CNTNAP2: variants seen among roughly 807,000 people sequenced by gnomAD.
The protein encoded by CNTNAP2 is contactin-associated protein-like 2.
A neutral mutation model predicts 155.2 loss-of-function variants in CNTNAP2; 98 were observed. The observed-to-expected ratio is 0.63, with a 90% CI of 0.54 to 0.75. The LOEUF is 0.75. Among genes scored for constraint, CNTNAP2 ranks in the 30% least tolerant of loss-of-function variants. The pLI, the probability that CNTNAP2 is intolerant of heterozygous loss-of-function variation, is 0.00. For missense variants in CNTNAP2, 1,727 were observed against 1,688.1 expected, an observed-to-expected ratio of 1.02 and a Z score of -0.40; for synonymous variants, 651 against 631.2, an observed-to-expected ratio of 1.03 and a Z score of -0.47.
At chr7:147,905,432 C>T (rs1446628172) in intron 14 of CNTNAP2, among the ~76,000 whole-genome samples, 2 of 152,214 alleles carry the variant, frequency 1.3e-5, no homozygotes, top group African/African-American at 4.8e-5. Flanking sequence ...TTTTATCAGA[C>T]ATCATGCTAA....
chr7:146,978,752 T>C (rs1312529262), intron 3 of CNTNAP2, among the ~76,000 whole-genome samples: 1 of 151,668 alleles, frequency 6.6e-6, no homozygotes, highest in Non-Finnish European at 1.5e-5. Flanking sequence ...TTACTAAATA[T>C]ATATTTATTA....
At chr7:146,817,092 A>G (rs1422925750) in intron 2 of CNTNAP2, among the ~76,000 whole-genome samples, 1 of 152,202 alleles carries the variant, frequency 6.6e-6, no homozygotes, top group East Asian at 1.9e-4. Flanking sequence ...AGTGTCTCTG[A>G]TCCCCAGATA....
chr7:146,371,161 G>T (rs906118938), intron 1 of CNTNAP2, among the ~76,000 whole-genome samples: 4 of 151,568 alleles, frequency 2.6e-5, no homozygotes, highest in Non-Finnish European at 5.9e-5. Flanking sequence ...TTTCTGGTGT[G>T]CATCTGCTAT....
intron 2 of CNTNAP2, among the ~76,000 whole-genome samples, chr7:146,801,639 G>T (rs1328842372): frequency 2.0e-5 from 3 of 152,216 alleles, no homozygotes; most frequent in African/African-American, 7.2e-5. Flanking sequence ...CTTTGTGAAT[G>T]CCATAATAAA....
intron 3 of CNTNAP2, among the ~76,000 whole-genome samples, chr7:146,921,750 C>A (rs1796504290): frequency 6.6e-6 from 1 of 152,064 alleles, no homozygotes; most frequent in Non-Finnish European, 1.5e-5. Context: ...GGGGACACAG[C>A]CAAACCATTT....
At chr7:146,437,229 A>G (rs1360648942) in intron 1 of CNTNAP2, among the ~76,000 whole-genome samples, 3 of 151,436 alleles carry the variant, frequency 2.0e-5, no homozygotes, top group Non-Finnish European at 4.4e-5. Context: ...TCCTGAAACC[A>G]TCTACCCCAA....
intron 1 of CNTNAP2, among the ~76,000 whole-genome samples, chr7:146,412,984 CAGTT>C (rs994098868): frequency 2.6e-5 from 4 of 152,258 alleles, no homozygotes; most frequent in African/African-American, 9.6e-5. Context: ...AGACCCCCCT[CAGTT>C]AGAGTAGACC....
chr7:147,196,891 A>G (rs960087477), intron 8 of CNTNAP2, among the ~76,000 whole-genome samples: 2 of 152,152 alleles, frequency 1.3e-5, no homozygotes, highest in African/African-American at 2.4e-5. Context: ...ATTTGCCACC[A>G]CAGCTGACTT....
At chr7:147,537,468 C>T (rs906277327) in intron 11 of CNTNAP2, among the ~76,000 whole-genome samples, 1 of 151,916 alleles carries the variant, frequency 6.6e-6, no homozygotes, top group Admixed American at 6.6e-5. Context: ...AGTAAAGTAC[C>T]TATTCTCAAT....
intron 11 of CNTNAP2, among the ~76,000 whole-genome samples, chr7:147,554,373 AT>A (rs58354911): frequency 0.055 from 8,148 of 148,276 alleles, 289 homozygotes; most frequent in African/African-American, 0.081. Flanking sequence ...AGTATGGATT[AT>A]TTTTTTTTTT....
intron 11 of CNTNAP2, among the ~76,000 whole-genome samples, chr7:147,523,759 T>C (rs764942169): frequency 1.3e-5 from 2 of 152,216 alleles, no homozygotes; most frequent in Non-Finnish European, 2.9e-5. Flanking sequence ...CCTGTCTTAC[T>C]CAATTCCCAT....
chr7:147,688,542 TG>T (rs1796047310), intron 13 of CNTNAP2, among the ~76,000 whole-genome samples: 1 of 152,156 alleles, frequency 6.6e-6, no homozygotes, highest in Non-Finnish European at 1.5e-5. Flanking sequence ...CATTTTTGTG[TG>T]CTTCTTAGAT....
At chr7:146,244,857 T>C (rs1460137990) in intron 1 of CNTNAP2, among the ~76,000 whole-genome samples, 5 of 152,048 alleles carry the variant, frequency 3.3e-5, no homozygotes, top group Non-Finnish European at 7.4e-5. Flanking sequence ...CTAAGAGGTA[T>C]TTTAGTTATC....
At chr7:148,056,332 T>C (rs2116502972) in intron 15 of CNTNAP2, 1 of 152,332 alleles carries the variant, frequency 6.6e-6, no homozygotes. Context: ...TGCAGTCAGT[T>C]TTCTGTCTAA....
chr7:147,344,453 C>T (rs1175085150), intron 9 of CNTNAP2, among the ~76,000 whole-genome samples: 1 of 152,052 alleles, frequency 6.6e-6, no homozygotes, highest in African/African-American at 2.4e-5. Context: ...ACTCGAAAGA[C>T]AGATTTTAAC....
intron 4 of CNTNAP2, among the ~76,000 whole-genome samples, chr7:147,091,538 GC>G (rs2129273208): frequency 6.6e-6 from 1 of 151,988 alleles, no homozygotes; most frequent in Non-Finnish European, 1.5e-5. Flanking sequence ...TGCAACCTCC[GC>G]CTACGGGGTT....
chr7:146,784,507 A>G (rs1802541519), intron 2 of CNTNAP2, among the ~76,000 whole-genome samples: 3 of 152,344 alleles, frequency 2.0e-5, no homozygotes, highest in Admixed American at 1.3e-4. Context: ...TAGCAAATCA[A>G]TGTATTTAAA....
At chr7:147,570,243 G>A (rs1443969244) in intron 12 of CNTNAP2, among the ~76,000 whole-genome samples, 1 of 152,140 alleles carries the variant, frequency 6.6e-6, no homozygotes, top group Non-Finnish European at 1.5e-5. Context: ...CCCACCCCCA[G>A]TCTAGGAGAG....
chr7:148,360,838 TC>T, intron 21 of CNTNAP2, among the ~76,000 whole-genome samples: 2 of 151,596 alleles, frequency 1.3e-5, no homozygotes, highest in African/African-American at 4.9e-5. Context: ...TGAGACAGTT[TC>T]TCTCTTGTTG....
Sources: gnomAD v4.1 joint callset for allele counts (sites outside exome capture counted in the v4.1 genomes callset) on GRCh38, gnomAD v4.1.1 for gene constraint, MANE v1.5 for transcripts, NCBI Gene and HGNC (gene_info 2026-07-23, HGNC 2026-07-21) for gene names.